ADCK1: variants seen among roughly 807,000 people sequenced by gnomAD.
ADCK1 encodes the protein aarF domain-containing protein kinase 1.
Under a neutral mutation model 52.3 loss-of-function variants are expected in ADCK1, and 41 were observed. The ratio of observed to expected loss-of-function variants is 0.78; its 90% CI spans 0.61 to 1.02. The LOEUF (loss-of-function observed/expected upper bound fraction) is 1.02, where lower values mean the gene tolerates loss of function less well. Ranked by LOEUF, ADCK1 falls within the 50% of genes least tolerant of loss-of-function variation. The pLI is 0.00. For missense variants in ADCK1, 658 were observed against 679.5 expected (o/e 0.97, Z 0.35); for synonymous variants, 250 against 274.6 (o/e 0.91, Z 0.89).
intron 1 of ADCK1, among the ~76,000 whole-genome samples, chr14:77,812,281 C>T (rs1299897490): frequency 2.0e-5 from 3 of 152,176 alleles, no homozygotes; most frequent in Non-Finnish European, 4.4e-5. Context: ...CCAATATCGC[C>T]TAATTTCCCT....
intron 4 of ADCK1, among the ~76,000 whole-genome samples, chr14:77,863,890 C>A (rs1385137713): frequency 6.6e-6 from 1 of 151,858 alleles, no homozygotes; most frequent in East Asian, 1.9e-4. Flanking sequence ...ATAGTTATAT[C>A]AGATAAGGTT....
intron 3 of ADCK1, among the ~76,000 whole-genome samples, chr14:77,841,305 G>A (rs1261397381): frequency 6.6e-6 from 1 of 152,090 alleles, no homozygotes. Context: ...ACAGGTCAAC[G>A]GAACAACACG....
chr14:77,857,098 C>T (rs780208026), intron 3 of ADCK1, among the ~76,000 whole-genome samples: 17 of 151,878 alleles, frequency 1.1e-4, no homozygotes, highest in African/African-American at 1.7e-4. Context: ...GGGAGGTGGG[C>T]GGATGGGCCC....
chr14:77,917,884 C>CT (rs2083962153), intron 7 of ADCK1, among the ~76,000 whole-genome samples: 1 of 152,142 alleles, frequency 6.6e-6, no homozygotes, highest in South Asian at 2.1e-4. Flanking sequence ...GGTGCAGTCT[C>CT]TGTCTCCAGG....
At chr14:77,876,640 C>T (rs1172170620) in intron 4 of ADCK1, among the ~76,000 whole-genome samples, 1 of 152,208 alleles carries the variant, frequency 6.6e-6, no homozygotes, top group African/African-American at 2.4e-5. Flanking sequence ...AACATGTCAA[C>T]AAATGAGCAT....
chr14:77,900,999 G>A (rs1441443256), intron 6 of ADCK1, among the ~76,000 whole-genome samples: 2 of 151,978 alleles, frequency 1.3e-5, no homozygotes, highest in Non-Finnish European at 2.9e-5. Flanking sequence ...ATGGCCTACT[G>A]GGTCAGGGCA....
chr14:77,872,121 G>A (rs1303694579), intron 4 of ADCK1, among the ~76,000 whole-genome samples: 1 of 152,202 alleles, frequency 6.6e-6, no homozygotes, highest in Non-Finnish European at 1.5e-5. Flanking sequence ...CCTCTGTCCT[G>A]GGCATGAATT....
At chr14:77,932,736 A>G (rs1165676440) in intron 10 of ADCK1, among the ~76,000 whole-genome samples, 1 of 152,192 alleles carries the variant, frequency 6.6e-6, no homozygotes, top group Non-Finnish European at 1.5e-5. Flanking sequence ...ATCATCATAA[A>G]CACCAGTTTT....
At chr14:77,844,283 A>G (rs1303590773) in intron 3 of ADCK1, among the ~76,000 whole-genome samples, 1 of 152,064 alleles carries the variant, frequency 6.6e-6, no homozygotes, top group African/African-American at 2.4e-5. Context: ...GGGTTTCACC[A>G]TGTTGGCCAG....
Position 77,822,535 on chromosome 14 carries a change from AC to A in ADCK1, c.219+20del. 1 of 1,602,250 alleles carries A rather than the reference AC, an allele frequency of 6.2e-7. No individual in the cohort carries two copies. On this transcript the variant is annotated intron_variant, in intron 3 of 10. Transcript: ENST00000238561. The stretch of plus-strand genomic sequence containing the variant: ...AGATCTAAGGTAAGTAACCCATGGG[AC>A]CCATCTGAGCCAGGCCAGGACTGGA...
rs1566722295 is a variant in ADCK1, at chr14:77,905,303, G to GT, written c.742-2500_742-2499insT. Among the ~76,000 whole-genome samples, 3 of 65,372 alleles carry GT rather than the reference G, an allele frequency of 4.6e-5. No individual in the cohort carries two copies. In the South Asian group the frequency reaches 1.2e-3, roughly 26 times the overall value. The allele number at this position is 65,372 out of a possible 152,430, so 42.9% of individuals were successfully genotyped here. ...TTCCACCTGTGACTCTTTCCTAGCT[G>GT]GTTTTTTTTTTTTTTTTTTTTGAGA... On this transcript the variant is annotated intron_variant, in intron 6 of 10. Coordinates refer to ENST00000238561, the MANE Select transcript of ADCK1 (RefSeq NM_020421.4).
rs2081522854 is a variant in ADCK1, at chr14:77,818,990, G to T, written c.12G>T (p.Lys4Asn). 1.2e-6 allele frequency: 2 copies of T among 1,614,088 alleles called. No individual in the cohort carries two copies. Among genetic ancestry groups the T allele is most frequent in the African/African-American group, 2.7e-5 (2 of 75,032 alleles). ...CAGGATCTGGCGACATGGCCAGAAA[G>T]GCTCTCAAGCTTGCTTCGTGGACCA... Reference protein sequence around the residue: MARKALKLASWTSM... With the variant: MARNALKLASWTSM... Residue 4 changes from lysine (K) to asparagine (N), a missense_variant, in exon 2 of 11, where the codon AAG (lysine) becomes AAT (asparagine). Physicochemically the swap from Lys to Asn is moderately conservative, Grantham distance 94. Transcript: ENST00000238561.
At chr14:77,927,308 T>G (rs563498508) in intron 9 of ADCK1, among the ~76,000 whole-genome samples, 2 of 152,384 alleles carry the variant, frequency 1.3e-5, no homozygotes, top group South Asian at 4.1e-4. Context: ...TCTACAGCCT[T>G]GAAGCCCGTC....
chr14:77,862,563 C>T (rs2082574537), intron 4 of ADCK1, among the ~76,000 whole-genome samples: 1 of 152,222 alleles, frequency 6.6e-6, no homozygotes, highest in Non-Finnish European at 1.5e-5. Context: ...ATAGCCTCAG[C>T]CACGAGGCTG....
chr14:77,839,288 C>T (rs2082019238), intron 3 of ADCK1, among the ~76,000 whole-genome samples: 1 of 152,190 alleles, frequency 6.6e-6, no homozygotes, highest in African/African-American at 2.4e-5. Context: ...ATTACGAGGA[C>T]TAGTGCAAAA....
Position 77,819,007 on chromosome 14 carries a change from C to T in ADCK1, c.29C>T (p.Ser10Leu), listed in dbSNP as rs201490252. The stretch of plus-strand genomic sequence containing the variant: ...GCCAGAAAGGCTCTCAAGCTTGCTT[C>T]GTGGACCAGCATGGCTCTTGCTGCC... MARKALKLA[S>L]WTSMALAASG... Residue 10 changes from serine (S) to leucine (L), a missense_variant, in exon 2 of 11, where the codon TCG (serine) becomes TTG (leucine). By Grantham distance (145) the Ser-to-Leu change is moderately radical. Transcript: ENST00000238561. The T allele has an allele frequency of 5.0e-6, 8 of 1,614,178 alleles. No homozygotes were observed. Among genetic ancestry groups the T allele is most frequent in the African/African-American group, 4.0e-5 (3 of 75,048 alleles).
chr14:77,924,715 G>A, intron 8 of ADCK1, 109 bp downstream of exon 8: 1 of 1,422,104 alleles, frequency 7.0e-7, no homozygotes, highest in Middle Eastern at 2.5e-4. Context: ...AGCTGGAAAG[G>A]ACCCTTCCCT....
chr14:77,844,260 A>T (rs1457091125), intron 3 of ADCK1, among the ~76,000 whole-genome samples: 2 of 151,908 alleles, frequency 1.3e-5, no homozygotes, highest in Non-Finnish European at 2.9e-5. Context: ...ATTTTTGTAT[A>T]TTACTAGAGA....
At chr14:77,884,302 G>T (rs777039629) in intron 4 of ADCK1, among the ~76,000 whole-genome samples, 4 of 152,184 alleles carry the variant, frequency 2.6e-5, no homozygotes, top group Non-Finnish European at 4.4e-5. Context: ...TCTGCTTGGT[G>T]CTCCTTCAGG....
Sources: allele counts gnomAD v4.1 joint callset (sites outside exome capture counted in the v4.1 genomes callset), GRCh38; gene constraint gnomAD v4.1.1; transcripts MANE v1.5; gene names NCBI Gene and HGNC (gene_info 2026-07-23, HGNC 2026-07-21).